The following CSMD1 variants were observed in gnomAD, a reference collection of about 807,000 sequenced individuals.
The protein encoded by CSMD1 is CUB and Sushi multiple domains 1.
A neutral mutation model predicts 417.5 loss-of-function variants in CSMD1; 213 were observed. The ratio of observed to expected loss-of-function variants is 0.51; its 90% confidence interval spans 0.46 to 0.57. The LOEUF is 0.57. CSMD1 is among the 20% of genes least tolerant of loss of function. The pLI is 0.00. For synonymous variants in CSMD1, 2,862 were observed against 1,736.8 expected, an observed-to-expected ratio of 1.65 and a Z score of -16.11; for missense variants, 6,923 against 4,529.7, an observed-to-expected ratio of 1.53 and a Z score of -15.17.
chr8:4,073,796 A>G (rs1799682698), intron 3 of CSMD1, among the ~76,000 whole-genome samples: 1 of 152,108 alleles, frequency 6.6e-6, no homozygotes, highest in Admixed American at 6.5e-5. Flanking sequence ...TTGCTAAATT[A>G]TTTACCTCAT....
intron 3 of CSMD1, among the ~76,000 whole-genome samples, chr8:4,342,478 G>A (rs955607908): frequency 8.5e-5 from 13 of 152,140 alleles, no homozygotes; most frequent in East Asian, 5.8e-4. Context: ...GGCAGAAAAA[G>A]CACAGGACTA....
intron 3 of CSMD1, among the ~76,000 whole-genome samples, chr8:4,392,660 TTATTA>T (rs1803924658): frequency 1.4e-5 from 2 of 142,984 alleles, no homozygotes; most frequent in East Asian, 2.0e-4. Flanking sequence ...ATTATTATTA[TTATTA>T]TTTTTTTTTG....
At chr8:3,192,357 G>C (rs1479511144) in intron 33 of CSMD1, among the ~76,000 whole-genome samples, 2 of 152,300 alleles carry the variant, frequency 1.3e-5, no homozygotes, top group East Asian at 1.9e-4. Context: ...AACATAATGA[G>C]ATATCTTAGG....
At chr8:3,207,065 G>A (rs1021426098) in intron 30 of CSMD1, among the ~76,000 whole-genome samples, 1 of 151,086 alleles carries the variant, frequency 6.6e-6, no homozygotes, top group Non-Finnish European at 1.5e-5. Flanking sequence ...TTTGAATTCA[G>A]AATTAGCTTC....
chr8:3,697,563 G>C (rs1358845672), intron 7 of CSMD1, among the ~76,000 whole-genome samples: 2 of 152,150 alleles, frequency 1.3e-5, no homozygotes, highest in East Asian at 3.9e-4. Context: ...ACAAAGACTT[G>C]CTCATGTAAG....
chr8:3,498,297 G>A (rs1407879632), intron 10 of CSMD1, among the ~76,000 whole-genome samples: 2 of 151,924 alleles, frequency 1.3e-5, no homozygotes, highest in South Asian at 4.2e-4. Flanking sequence ...ATATTTTGGA[G>A]GTATATGTGG....
At chr8:4,610,007 T>C (rs977317861) in intron 2 of CSMD1, among the ~76,000 whole-genome samples, 1 of 152,126 alleles carries the variant, frequency 6.6e-6, no homozygotes, top group Admixed American at 6.5e-5. Context: ...GGAATGACCA[T>C]TGCTTTGTGT....
chr8:3,243,174 C>T (rs976274439), intron 26 of CSMD1, among the ~76,000 whole-genome samples: 1 of 152,030 alleles, frequency 6.6e-6, no homozygotes, highest in Non-Finnish European at 1.5e-5. Context: ...GCCGCTTACC[C>T]GATTTAAAAT....
intron 11 of CSMD1, among the ~76,000 whole-genome samples, chr8:3,475,403 T>C (rs902918065): frequency 3.3e-5 from 5 of 152,252 alleles, no homozygotes; most frequent in African/African-American, 1.2e-4. Flanking sequence ...GTATTCATTA[T>C]ACAGCTACAT....
At chr8:3,805,021 G>T (rs986344725) in intron 5 of CSMD1, among the ~76,000 whole-genome samples, 1 of 152,066 alleles carries the variant, frequency 6.6e-6, no homozygotes, top group African/African-American at 2.4e-5. Context: ...GAAGAGGCCT[G>T]GTTGGTCATA....
At chr8:4,210,994 A>C (rs929506693) in intron 3 of CSMD1, among the ~76,000 whole-genome samples, 2 of 152,208 alleles carry the variant, frequency 1.3e-5, no homozygotes, top group African/African-American at 4.8e-5. Context: ...TACTACAAAC[A>C]GAAAGAACCA....
chr8:3,117,329 C>T (rs1816934011), intron 42 of CSMD1, among the ~76,000 whole-genome samples: 1 of 152,180 alleles, frequency 6.6e-6, no homozygotes, highest in Non-Finnish European at 1.5e-5. Flanking sequence ...CCTCAGCCTC[C>T]CAAAGTGTGT....
chr8:3,832,468 T>C (rs927056339), intron 5 of CSMD1, among the ~76,000 whole-genome samples: 1 of 152,204 alleles, frequency 6.6e-6, no homozygotes, highest in African/African-American at 2.4e-5. Flanking sequence ...GATTTTTTGT[T>C]TCTTGTTCTA....
chr8:3,916,902 A>C (rs1808867443), intron 5 of CSMD1, among the ~76,000 whole-genome samples: 1 of 125,938 alleles, frequency 7.9e-6, no homozygotes, highest in African/African-American at 2.6e-5. Flanking sequence ...ACAGAATGAG[A>C]CATATTAAAA....
chr8:3,423,043 G>C (rs190062790), intron 12 of CSMD1, among the ~76,000 whole-genome samples: 2 of 152,302 alleles, frequency 1.3e-5, no homozygotes, highest in Non-Finnish European at 1.5e-5. Context: ...GCACCAGCTA[G>C]TCGAGTTGTA....
Position 3,328,491 on chromosome 8 carries a change from C to T in CSMD1, c.3631+14803G>A, listed in dbSNP as rs944834766. Among the ~76,000 whole-genome samples, 36 of 152,216 alleles carry T rather than the reference C, an allele frequency of 2.4e-4. 1 individual carries two copies. The highest frequency in any genetic ancestry group is 2.9e-5 in the Non-Finnish European group (2 of 68,032). On this transcript the variant is annotated intron_variant, in intron 23 of 69. Coordinates refer to ENST00000635120, the MANE Select transcript of CSMD1 (RefSeq NM_033225.6). Reference sequence around the variant, plus strand: ...TGTCTGTTGCTACACCCTCCAAATACTTCAAATATTGTGTTCAGACTGTCA... The same window carrying T: ...TGTCTGTTGCTACACCCTCCAAATATTTCAAATATTGTGTTCAGACTGTCA...
intron 5 of CSMD1, among the ~76,000 whole-genome samples, chr8:3,781,707 G>A (rs1053188096): frequency 2.0e-5 from 3 of 152,172 alleles, no homozygotes; most frequent in African/African-American, 7.2e-5. Flanking sequence ...GGAGGTTCTA[G>A]GGTGTCCCCA....
At chr8:3,853,513 T>C (rs1038903902) in intron 5 of CSMD1, among the ~76,000 whole-genome samples, 6 of 152,168 alleles carry the variant, frequency 3.9e-5, no homozygotes, top group Admixed American at 3.3e-4. Flanking sequence ...AGCATCAATA[T>C]GACTGCCTTG....
At chr8:4,270,141 G>A (rs1157726256) in intron 3 of CSMD1, among the ~76,000 whole-genome samples, 2 of 152,306 alleles carry the variant, frequency 1.3e-5, no homozygotes, top group East Asian at 3.9e-4. Context: ...TAGGGAGGCT[G>A]GAATGTGGAC....
Sources: allele counts gnomAD v4.1 joint callset (sites outside exome capture counted in the v4.1 genomes callset), GRCh38; gene constraint gnomAD v4.1.1; transcripts MANE v1.5; gene names NCBI Gene and HGNC (gene_info 2026-07-23, HGNC 2026-07-21).